Variants in STAMBP observed in about 807,000 individuals in gnomAD.
The protein encoded by STAMBP is STAM-binding protein.
STAMBP carries 31 observed loss-of-function variants against 50.7 expected under a neutral mutation model. The observed-to-expected ratio is 0.61, with a 90% CI of 0.46 to 0.83. The LOEUF (loss-of-function observed/expected upper bound fraction) is 0.83. STAMBP is among the 40% of genes least tolerant of loss of function. The pLI is 0.00. For missense variants in STAMBP, 472 were observed against 518.9 expected (o/e 0.91, Z 0.88); for synonymous variants, 211 against 192.4 (o/e 1.10, Z -0.80).
chr2:73,855,872 A>G (rs1248866356), intron 7 of STAMBP, among the ~76,000 whole-genome samples: 6 of 152,204 alleles, frequency 3.9e-5, no homozygotes, highest in Admixed American at 3.9e-4. Flanking sequence ...GCTTTTGTCA[A>G]GCTCCTCAGG....
intron 2 of STAMBP, among the ~76,000 whole-genome samples, chr2:73,834,209 TAAAAAAAAAAAAAAAAAAAAA>T (rs1171586160): frequency 2.3e-4 from 2 of 8,554 alleles, no homozygotes; most frequent in Non-Finnish European, 4.8e-4. Context: ...GATCATGTCT[TAAAAAAAAAAAAAAAAAAAAA>T]AAAAAAATAT....
At chr2:73,834,226 AAAAAAAAAAAATATATATATATATATAT>A (rs1429999562) in intron 2 of STAMBP, among the ~76,000 whole-genome samples, 16 of 23,884 alleles carry the variant, frequency 6.7e-4, no homozygotes, top group African/African-American at 2.1e-3. Context: ...AAAAAAAAAA[AAAAAAAAAAAATATATATATATATATAT>A]ATATATATAT....
chr2:73,843,862 C>T (rs1257195917), intron 2 of STAMBP, among the ~76,000 whole-genome samples: 1 of 152,228 alleles, frequency 6.6e-6, no homozygotes, highest in African/African-American at 2.4e-5. Context: ...AAGCTACCTT[C>T]AATTTATTTT....
At chr2:73,845,759 G>A (rs1212566929) in intron 4 of STAMBP, among the ~76,000 whole-genome samples, 1 of 151,718 alleles carries the variant, frequency 6.6e-6, no homozygotes, top group Admixed American at 6.6e-5. Context: ...AGCCTCCCGA[G>A]TGACTGGGAC....
chr2:73,845,271 A>G lies in STAMBP; in HGVS notation c.375+9A>G, dbSNP rs149581863. 8.8e-5 allele frequency: 139 copies of G among 1,583,874 alleles called. No homozygotes were observed. The East Asian group carries it at 2.7e-3, about 30-fold the overall frequency. On this transcript the variant is annotated intron_variant, in intron 4 of 9. Coordinates refer to ENST00000394070, the MANE Select transcript of STAMBP (RefSeq NM_213622.4). ...AATATAATGAAGAAAAGGTCAGTAT[A>G]TAACAGCTAAGAAGAAAATTATTTT...
intron 2 of STAMBP, among the ~76,000 whole-genome samples, chr2:73,834,052 A>G (rs1674276154): frequency 6.6e-6 from 1 of 151,026 alleles, no homozygotes; most frequent in African/African-American, 2.4e-5. Flanking sequence ...CTCTACTAAA[A>G]ATACAAAAAT....
At position 73,840,433 on chromosome 2, in the gene STAMBP, T is replaced by C. The variant is rs114874887; in HGVS notation, c.204-4380T>C. Among the ~76,000 whole-genome samples, 1,257 of 151,598 alleles carry C rather than the reference T, an allele frequency of 8.3e-3. 19 individuals are homozygous for C. The highest frequency in any genetic ancestry group is 0.029 in the African/African-American group (1,196 of 41,324). On this transcript the variant is annotated intron_variant, in intron 2 of 9. Transcript: ENST00000394070. Reference sequence around the variant, plus strand: ...CTAGGATAAATTCCTAGAGATAGAATTGTGAGTTTAAAGGATATACACATT... The same window carrying C: ...CTAGGATAAATTCCTAGAGATAGAACTGTGAGTTTAAAGGATATACACATT...
At chr2:73,843,553 G>GCCA (rs1243525810) in intron 2 of STAMBP, among the ~76,000 whole-genome samples, 2 of 151,872 alleles carry the variant, frequency 1.3e-5, no homozygotes, top group Non-Finnish European at 2.9e-5. Flanking sequence ...ACAGGCATGA[G>GCCA]CCACCGCACC....
At chr2:73,851,931 C>T (rs867938703) in intron 7 of STAMBP, among the ~76,000 whole-genome samples, 4 of 152,106 alleles carry the variant, frequency 2.6e-5, no homozygotes, top group African/African-American at 4.8e-5. Flanking sequence ...TGAGCCACCA[C>T]GCCCGGCTAG....
downstream of STAMBP, among the ~76,000 whole-genome samples, chr2:73,870,958 G>A (rs142492036): frequency 8.3e-3 from 1,264 of 152,112 alleles, 20 homozygotes; most frequent in African/African-American, 0.029. Flanking sequence ...TAGTAGAGAC[G>A]GGAGTCTCAC....
rs1422490191 is a variant in STAMBP, at chr2:73,866,461, G to A, written c.*4202G>A. The A allele has an allele frequency of 6.6e-6, 1 of 152,210 alleles. No individual in the cohort carries two copies. Among genetic ancestry groups the A allele is most frequent in the African/African-American group, 2.4e-5 (1 of 41,428 alleles). The allele number at this position is 152,210 out of a possible 1,614,324, so 9.4% of individuals were successfully genotyped here. On this transcript the variant is annotated 3_prime_UTR_variant, in exon 10 of 10. Transcript: ENST00000394070. ...TAAATTTCATTAGGGTAAGAATCAT[G>A]TTTGCTTTATGCACTGTGTAACATG...
chr2:73,847,007 G>T (rs1676174134), intron 4 of STAMBP, among the ~76,000 whole-genome samples: 1 of 151,384 alleles, frequency 6.6e-6, no homozygotes. Context: ...GCTTGAGCCT[G>T]GGAGGTCAAG....
chr2:73,872,676 C>T (rs960191255), intron 10 of STAMBP, among the ~76,000 whole-genome samples: 3 of 152,210 alleles, frequency 2.0e-5, no homozygotes, highest in African/African-American at 4.8e-5. Context: ...TGAATGTTCT[C>T]ATTTTAATTT....
At chr2:73,860,237 C>T (rs1558596120) in intron 9 of STAMBP, 86 bp downstream of exon 9, 1 of 1,166,124 alleles carries the variant, frequency 8.6e-7, no homozygotes, top group Non-Finnish European at 1.3e-6. Flanking sequence ...CCTTTCTGAT[C>T]CACACAGAAG....
intron 2 of STAMBP, among the ~76,000 whole-genome samples, chr2:73,833,543 T>C (rs773417103): frequency 5.3e-5 from 8 of 152,192 alleles, no homozygotes; most frequent in Non-Finnish European, 1.2e-4. Context: ...ATGTATTTCC[T>C]ATAAGCTTGT....
At chr2:73,832,606 T>C (rs1479791805) in intron 2 of STAMBP, among the ~76,000 whole-genome samples, 1 of 152,184 alleles carries the variant, frequency 6.6e-6, no homozygotes. Context: ...CATTAAGTTT[T>C]TGATCACATA....
chr2:73,855,670 G>C, intron 7 of STAMBP: 1 of 456,090 alleles, frequency 2.2e-6, no homozygotes, highest in Non-Finnish European at 4.4e-6. Context: ...ATGAAGACTT[G>C]TGTGTGGATT....
At chr2:73,856,540 A>G (rs901479218) in intron 7 of STAMBP, among the ~76,000 whole-genome samples, 5 of 152,210 alleles carry the variant, frequency 3.3e-5, no homozygotes, top group African/African-American at 1.2e-4. Context: ...AACACTTCTT[A>G]GAGGAGATAG....
downstream of STAMBP, among the ~76,000 whole-genome samples, chr2:73,868,658 C>T (rs561540172): frequency 2.0e-4 from 31 of 151,980 alleles, no homozygotes; most frequent in African/African-American, 6.5e-4. Flanking sequence ...CTGAGGTGGG[C>T]GGATCACTTA....
Sources: allele counts gnomAD v4.1 joint callset (sites outside exome capture counted in the v4.1 genomes callset), GRCh38; gene constraint gnomAD v4.1.1; transcripts MANE v1.5; gene names NCBI Gene and HGNC (gene_info 2026-07-23, HGNC 2026-07-21).